Variants in MACROD2 observed in about 807,000 individuals in gnomAD.
The protein encoded by MACROD2 is mono-ADP ribosylhydrolase 2, also known as ADP-ribose glycohydrolase MACROD2.
A neutral mutation model predicts 70.4 loss-of-function variants in MACROD2; 36 were observed. The observed-to-expected ratio is 0.51, with a 90% CI of 0.39 to 0.68. MACROD2 has a LOEUF of 0.68. Among genes scored for constraint, MACROD2 ranks in the 30% least tolerant of loss-of-function variants. The pLI, the probability that MACROD2 is intolerant of heterozygous loss-of-function variation, is 0.00. For synonymous variants in MACROD2, 172 were observed against 178.8 expected (o/e 0.96, Z 0.30); for missense variants, 496 against 538.4 (o/e 0.92, Z 0.78).
In MACROD2 at chr20:15,987,084, A is replaced by T; in HGVS notation, c.1079A>T (p.Glu360Val). The change falls in exon 15 of 18, where the codon GAA becomes GTA. Residue 360 changes from glutamate to valine, a missense_variant. Coordinates refer to ENST00000684519, the MANE Select transcript of MACROD2 (RefSeq NM_001351661.2). ...METEELSSNQ[E>V]DAVIVEQPEV... ...TATTTAGAACTTTCATCAAACCAAG[A>T]AGATGCCGTGATTGTGGAGCAACCA... is the stretch of plus-strand genomic sequence containing the variant. The T allele has an allele frequency of 6.2e-7, 1 of 1,609,786 alleles. No homozygotes were observed. Among genetic ancestry groups the T allele is most frequent in the Non-Finnish European group, 8.5e-7 (1 of 1,179,120 alleles).
intron 10 of MACROD2, 117 bp from the exon 11 acceptor site, chr20:15,933,159 T>C: frequency 1.1e-6 from 1 of 917,176 alleles, no homozygotes; most frequent in Non-Finnish European, 1.7e-6. Flanking sequence ...CTGCCTGGCT[T>C]TATGGGGAGT....
At chr20:14,832,042 T>G (rs1275892837) in intron 5 of MACROD2, among the ~76,000 whole-genome samples, 1 of 121,786 alleles carries the variant, frequency 8.2e-6, no homozygotes. Context: ...GAGTTTTTTT[T>G]TTTTTTTTTT....
intron 6 of MACROD2, among the ~76,000 whole-genome samples, chr20:15,292,981 C>CA (rs2077554515): frequency 6.6e-6 from 1 of 152,114 alleles, no homozygotes; most frequent in Non-Finnish European, 1.5e-5. Flanking sequence ...GTGCTATTTC[C>CA]TGCTTCCATA....
chr20:14,341,882 C>G (rs1186855205), intron 3 of MACROD2, among the ~76,000 whole-genome samples: 1 of 152,176 alleles, frequency 6.6e-6, no homozygotes, highest in Non-Finnish European at 1.5e-5. Context: ...GGCTCTCTGT[C>G]CTGCCTTTCT....
At chr20:15,139,054 T>C (rs559708597) in intron 5 of MACROD2, among the ~76,000 whole-genome samples, 1 of 152,312 alleles carries the variant, frequency 6.6e-6, no homozygotes, top group African/African-American at 2.4e-5. Flanking sequence ...CATTAGCAGC[T>C]ATTAAATGGA....
chr20:15,091,607 A>C (rs1230194363), intron 5 of MACROD2, among the ~76,000 whole-genome samples: 1 of 152,098 alleles, frequency 6.6e-6, no homozygotes, highest in Non-Finnish European at 1.5e-5. Context: ...ATGGGAACCC[A>C]CGTCACTAAG....
chr20:15,865,747 G>T (rs1354089338), intron 9 of MACROD2, among the ~76,000 whole-genome samples: 2 of 152,188 alleles, frequency 1.3e-5, no homozygotes, highest in East Asian at 3.9e-4. Flanking sequence ...ACAGGTGAGG[G>T]ATGCCCACAG....
chr20:14,934,768 A>G (rs1967738147), intron 5 of MACROD2, among the ~76,000 whole-genome samples: 1 of 152,174 alleles, frequency 6.6e-6, no homozygotes, highest in Non-Finnish European at 1.5e-5. Context: ...CCTGGGCAAC[A>G]GAGTGAGCCT....
intron 4 of MACROD2, among the ~76,000 whole-genome samples, chr20:14,537,256 T>C (rs939806827): frequency 2.6e-5 from 4 of 152,154 alleles, no homozygotes; most frequent in African/African-American, 9.7e-5. Flanking sequence ...TATGATAGTT[T>C]ATTTGATAGG....
chr20:15,345,571 A>G (rs2078156909), intron 6 of MACROD2, among the ~76,000 whole-genome samples: 1 of 152,226 alleles, frequency 6.6e-6, no homozygotes, highest in South Asian at 2.1e-4. Context: ...TAGATTATTC[A>G]GTGATAATGG....
intron 5 of MACROD2, among the ~76,000 whole-genome samples, chr20:14,696,168 T>TCAGA (rs200490647): frequency 0.017 from 2,516 of 152,188 alleles, 74 homozygotes; most frequent in African/African-American, 0.057. Flanking sequence ...CGAAAACTTC[T>TCAGA]TAGATAGATA....
At chr20:15,051,353 TG>T (rs1168750226) in intron 5 of MACROD2, among the ~76,000 whole-genome samples, 1 of 34,258 alleles carries the variant, frequency 2.9e-5, no homozygotes, top group African/African-American at 1.8e-4. Context: ...TGTGTGTGTG[TG>T]TGTGTGTGTG....
chr20:14,403,519 A>G (rs1471040207), intron 3 of MACROD2, among the ~76,000 whole-genome samples: 1 of 152,218 alleles, frequency 6.6e-6, no homozygotes, highest in African/African-American at 2.4e-5. Flanking sequence ...AACATTACAA[A>G]TCACTAACTA....
intron 3 of MACROD2, among the ~76,000 whole-genome samples, chr20:14,477,932 A>T (rs1011240617): frequency 6.6e-6 from 1 of 151,992 alleles, no homozygotes; most frequent in African/African-American, 2.4e-5. Flanking sequence ...GTGGTCAAAG[A>T]CTCACTCCAT....
At chr20:15,639,441 G>A (rs6043408) in intron 8 of MACROD2, among the ~76,000 whole-genome samples, 91,368 of 151,898 alleles carry the variant, frequency 0.6, 28,208 homozygotes, top group Non-Finnish European at 0.68. Context: ...GAGACTGCCC[G>A]GGAGTTCCTA....
At chr20:14,991,557 C>A (rs560516904) in intron 5 of MACROD2, among the ~76,000 whole-genome samples, 1 of 152,278 alleles carries the variant, frequency 6.6e-6, no homozygotes, top group South Asian at 2.1e-4. Flanking sequence ...ACTCTGACTT[C>A]AAGAGACAAG....
At chr20:16,042,964 T>C (rs993475169) in intron 16 of MACROD2, among the ~76,000 whole-genome samples, 1 of 152,060 alleles carries the variant, frequency 6.6e-6, no homozygotes, top group Non-Finnish European at 1.5e-5. Flanking sequence ...TTTACACTAA[T>C]TTCATGTTTG....
intron 3 of MACROD2, 66 bp from the exon 4 acceptor site, chr20:14,493,413 A>T (rs1600300055): frequency 7.6e-7 from 1 of 1,321,628 alleles, no homozygotes; most frequent in East Asian, 2.4e-5. Context: ...ATCTTGAATT[A>T]CTCTGATATA....
chr20:15,662,793 T>G (rs958241229), intron 8 of MACROD2, among the ~76,000 whole-genome samples: 2 of 152,086 alleles, frequency 1.3e-5, no homozygotes, highest in Non-Finnish European at 2.9e-5. Context: ...GGCCAATATT[T>G]TCATATAAAA....
Sources: gnomAD v4.1 joint callset for allele counts (sites outside exome capture counted in the v4.1 genomes callset) on GRCh38, gnomAD v4.1.1 for gene constraint, MANE v1.5 for transcripts, NCBI Gene and HGNC (gene_info 2026-07-23, HGNC 2026-07-21) for gene names.